The following RPAP2 variants were observed in gnomAD, a reference collection of about 807,000 sequenced individuals.
RPAP2 encodes the protein RNA polymerase II associated protein 2.
RPAP2 carries 52 observed loss-of-function variants against 73.1 expected under a neutral mutation model. The ratio of observed to expected loss-of-function variants is 0.71; its 90% confidence interval spans 0.57 to 0.90. RPAP2 has a LOEUF of 0.90. Ranked by LOEUF, RPAP2 falls within the 40% of genes least tolerant of loss-of-function variation. The pLI is 0.00. For synonymous variants in RPAP2, 225 were observed against 242.1 expected, an observed-to-expected ratio of 0.93 and a Z score of 0.65; for missense variants, 598 against 701.8, an observed-to-expected ratio of 0.85 and a Z score of 1.67.
intron 10 of RPAP2, among the ~76,000 whole-genome samples, chr1:92,344,576 A>AT (rs892641325): frequency 4.6e-5 from 7 of 151,320 alleles, no homozygotes; most frequent in Admixed American, 1.3e-4. Context: ...TTTAACACAC[A>AT]TTTTTTTTAT....
intron 11 of RPAP2, among the ~76,000 whole-genome samples, chr1:92,354,721 G>T (rs1318081892): frequency 6.6e-6 from 1 of 151,884 alleles, no homozygotes; most frequent in Non-Finnish European, 1.5e-5. Context: ...GTTCTGAAAT[G>T]GAAAGTTCAT....
At chr1:92,359,369 G>T (rs1809606) in intron 11 of RPAP2, among the ~76,000 whole-genome samples, 39,275 of 152,110 alleles carry the variant, frequency 0.26, 6,517 homozygotes, top group Non-Finnish European at 0.35. Context: ...GCCCAAGCTG[G>T]AGTGCAATGG....
At chr1:92,303,157 A>G (rs1431453533) in intron 3 of RPAP2, among the ~76,000 whole-genome samples, 1 of 152,246 alleles carries the variant, frequency 6.6e-6, no homozygotes, top group Non-Finnish European at 1.5e-5. Flanking sequence ...CTTCTATTAC[A>G]AAAACACTTC....
intron 12 of RPAP2, among the ~76,000 whole-genome samples, chr1:92,381,733 C>G (rs1486368010): frequency 6.6e-6 from 1 of 151,804 alleles, no homozygotes; most frequent in African/African-American, 2.4e-5. Context: ...TTCCCACAAG[C>G]ATACTTGATG....
rs1557615244 is a variant in RPAP2 at position 92,345,848 on chromosome 1, TAAC to T, written c.1625_1627del (p.Thr542del). 6.3e-7 allele frequency: 1 copy of T among 1,577,296 alleles called. No individual in the cohort carries two copies. Among genetic ancestry groups the T allele is most frequent in the East Asian group, 2.3e-5 (1 of 44,416 alleles). ...GATAAATTTTATCTATCTTTCAGGTTAACAAATAGAAATATTATACACAAACCT... is the reference window on the plus strand; with the variant it reads ...GATAAATTTTATCTATCTTTCAGGTTAAATAGAAATATTATACACAAACCT... On this transcript the variant is annotated inframe_deletion, in exon 11 of 13. Coordinates refer to ENST00000610020, the MANE Select transcript of RPAP2 (RefSeq NM_024813.3).
rs1655898860 is a variant in RPAP2 at position 92,387,183 on chromosome 1, A to G, written c.*172A>G. The stretch of plus-strand genomic sequence containing the variant: ...GTCCTTCAGTCCCCAACTGCAGAGG[A>G]TGACCTCCCCAGATAGAGGAGAATC... On this transcript the variant is annotated 3_prime_UTR_variant, in exon 13 of 13. Coordinates refer to ENST00000610020, the MANE Select transcript of RPAP2 (RefSeq NM_024813.3). 3 of 497,980 alleles carry G rather than the reference A, an allele frequency of 6.0e-6. No homozygotes were observed. The highest frequency in any genetic ancestry group is 3.5e-5 in the Admixed American group (1 of 28,488). The allele number at this position is 497,980 out of a possible 1,614,324, so 30.8% of individuals were successfully genotyped here. A position where few individuals can be genotyped will look rare whatever the true frequency, so the allele number is the denominator to read the frequency against.
In RPAP2 at chr1:92,390,598, G is replaced by T. The variant is rs1336891472; in HGVS notation, c.*3587G>T. The T allele has an allele frequency of 6.6e-6, 1 of 152,098 alleles. No individual in the cohort carries two copies. The highest frequency in any genetic ancestry group is 2.4e-5 in the African/African-American group (1 of 41,398). 9.4% of individuals were successfully genotyped at this position (152,098 alleles called of 1,614,324 possible). A position where few individuals can be genotyped will look rare whatever the true frequency, so the allele number is the denominator to read the frequency against. On this transcript the variant is annotated 3_prime_UTR_variant, in exon 13 of 13. Transcript: ENST00000610020. ...TGCCCCAATTAAAAGACACAGACTG[G>T]CAAATTGAATAAACAGTCAAGACCC...
At chr1:92,340,686 G>A (rs1379342330) in intron 10 of RPAP2, among the ~76,000 whole-genome samples, 1 of 152,152 alleles carries the variant, frequency 6.6e-6, no homozygotes, top group African/African-American at 2.4e-5. Context: ...CCAGAGTTAA[G>A]AGCCTATTTT....
rs141091194 is a variant in RPAP2, at chr1:92,394,498, A to G, written c.*7487A>G. ...ATAAAAAAAATAATTATTAAATTTT[A>G]AAAAACTAGCCAGGCATGGTGCTGC... On this transcript the variant is annotated 3_prime_UTR_variant, in exon 13 of 13. Coordinates refer to ENST00000610020, the MANE Select transcript of RPAP2 (RefSeq NM_024813.3). 4 of 152,178 alleles carry G rather than the reference A, an allele frequency of 2.6e-5. No homozygotes were observed. The highest frequency in any genetic ancestry group is 9.6e-5 in the African/African-American group (4 of 41,534). 9.4% of individuals were successfully genotyped at this position (152,178 alleles called of 1,614,324 possible).
chr1:92,323,226 T>G (rs899424813), intron 7 of RPAP2, among the ~76,000 whole-genome samples: 8 of 151,470 alleles, frequency 5.3e-5, no homozygotes, highest in Non-Finnish European at 1.5e-5. Context: ...GAAGGAGAAC[T>G]ATATCAAAAA....
At chr1:92,316,227 C>A (rs1037996007) in intron 6 of RPAP2, among the ~76,000 whole-genome samples, 1 of 152,128 alleles carries the variant, frequency 6.6e-6, no homozygotes, top group South Asian at 2.1e-4. Flanking sequence ...GGATTTCACA[C>A]GTTGCTTCTT....
chr1:92,337,287 C>G lies in RPAP2; in HGVS notation c.1619+860C>G, dbSNP rs188864278. ...TTACAGTACAGGAACAGTTTCTTGG[C>G]ATAGTCAGCTGTTAGATTTCTCTTG... is the stretch of plus-strand genomic sequence containing the variant. On this transcript the variant is annotated intron_variant, in intron 10 of 12. Transcript: ENST00000610020. Among the ~76,000 whole-genome samples the G allele has an allele frequency of 1.4e-4, 22 of 152,190 alleles. No individual in the cohort carries two copies. The Middle Eastern group carries it at 0.01, about 71-fold the overall frequency.
At chr1:92,323,150 A>G (rs1176780584) in intron 7 of RPAP2, among the ~76,000 whole-genome samples, 1 of 149,478 alleles carries the variant, frequency 6.7e-6, no homozygotes, top group Non-Finnish European at 1.5e-5. Flanking sequence ...AGTTTTTTAA[A>G]AAGTTTTGCT....
Position 92,304,034 on chromosome 1 carries a change from A to T in RPAP2, c.292A>T (p.Lys98Ter), listed in dbSNP as rs1285760050. Residue 98 changes from lysine to a stop codon, truncating the protein, a stop_gained, in exon 4 of 13, where the codon AAA becomes TAA. Coordinates refer to ENST00000610020, the MANE Select transcript of RPAP2 (RefSeq NM_024813.3). LOFTEE classifies it high-confidence loss of function. ...SDVVDERSIVKLCGYPLCQKK... is the reference protein window; with the variant it reads ...SDVVDERSIV ...TGTCGTGGATGAACGTTCTATTGTCAAACTCTGTGGTTATCCTTTATGTCA... is the reference window on the plus strand; with the variant it reads ...TGTCGTGGATGAACGTTCTATTGTCTAACTCTGTGGTTATCCTTTATGTCA... 6.8e-6 allele frequency: 11 copies of T among 1,613,166 alleles called. No homozygotes were observed. Among genetic ancestry groups the T allele is most frequent in the Non-Finnish European group, 9.3e-6 (11 of 1,179,678 alleles).
At chr1:92,372,682 G>C (rs1438622034) in intron 11 of RPAP2, among the ~76,000 whole-genome samples, 1 of 152,186 alleles carries the variant, frequency 6.6e-6, no homozygotes, top group Non-Finnish European at 1.5e-5. Context: ...AGGAGGATGA[G>C]GTAGGAGGAT....
chr1:92,304,232 G>T lies in RPAP2; in HGVS notation c.334-52G>T, dbSNP rs530282612. ...AGATGACTTAATCTTGTAACATAAC[G>T]TTCATGTTTATTATTTGGATTCTTT... On this transcript the variant is annotated intron_variant, in intron 4 of 12. Coordinates refer to ENST00000610020, the MANE Select transcript of RPAP2 (RefSeq NM_024813.3). The T allele has an allele frequency of 8.8e-6, 11 of 1,256,754 alleles. No individual in the cohort carries two copies. In the East Asian group the frequency reaches 2.3e-4, roughly 27 times the overall value. 77.9% of individuals were successfully genotyped at this position (1,256,754 alleles called of 1,614,324 possible). A position where few individuals can be genotyped will look rare whatever the true frequency, so the allele number is the denominator to read the frequency against.
intron 11 of RPAP2, among the ~76,000 whole-genome samples, chr1:92,361,262 G>A (rs1178823803): frequency 1.3e-5 from 2 of 152,006 alleles, no homozygotes; most frequent in Non-Finnish European, 2.9e-5. Flanking sequence ...AGTAAGTGAG[G>A]TAAATTTGAA....
intron 10 of RPAP2, among the ~76,000 whole-genome samples, chr1:92,337,122 T>A (rs1350863654): frequency 2.0e-5 from 3 of 152,074 alleles, no homozygotes; most frequent in African/African-American, 7.2e-5. Flanking sequence ...AAATTAACAT[T>A]TGCCTGTGGC....
rs546844972 is a variant in RPAP2, at chr1:92,399,665, C to T, written c.*12654C>T. ...AATTTAGTAATATCTTCTGTAATACCCATCTTCATTTTTTATATGAAAAAG... is the reference window on the plus strand; with the variant it reads ...AATTTAGTAATATCTTCTGTAATACTCATCTTCATTTTTTATATGAAAAAG... On this transcript the variant is annotated 3_prime_UTR_variant, in exon 13 of 13. Transcript: ENST00000610020. 1.3e-5 allele frequency: 2 copies of T among 152,046 alleles called. No homozygotes were observed. Among genetic ancestry groups the T allele is most frequent in the South Asian group, 4.2e-4 (2 of 4,810 alleles). The allele number at this position is 152,046 out of a possible 1,614,324, so 9.4% of individuals were successfully genotyped here. A position where few individuals can be genotyped will look rare whatever the true frequency, so the allele number is the denominator to read the frequency against.
Sources: allele counts gnomAD v4.1 joint callset (sites outside exome capture counted in the v4.1 genomes callset), GRCh38; gene constraint gnomAD v4.1.1; transcripts MANE v1.5; gene names NCBI Gene and HGNC (gene_info 2026-07-23, HGNC 2026-07-21).